PACRG: variants seen among roughly 807,000 people sequenced by gnomAD.
The protein encoded by PACRG is parkin coregulated.
Under a neutral mutation model 29.7 loss-of-function variants are expected in PACRG, and 29 were observed. That is an observed-to-expected ratio of 0.98 (90% CI 0.73 to 1.33). The LOEUF (loss-of-function observed/expected upper bound fraction) is 1.33, where lower values mean the gene tolerates loss of function less well. Ranked by LOEUF, PACRG falls within the 40% of genes most tolerant of loss-of-function variation. PACRG has a pLI of 0.00. For missense variants in PACRG, 279 were observed against 316.2 expected, an observed-to-expected ratio of 0.88 and a Z score of 0.89; for synonymous variants, 116 against 118.7, an observed-to-expected ratio of 0.98 and a Z score of 0.15.
At chr6:162,734,441 T>C (rs759128542) in intron 1 of PACRG, among the ~76,000 whole-genome samples, 3 of 150,024 alleles carry the variant, frequency 2.0e-5, no homozygotes, top group Non-Finnish European at 4.5e-5. Context: ...CTTTATATAC[T>C]TAAATTAAAT....
chr6:163,240,545 C>G (rs988354643), intron 4 of PACRG, among the ~76,000 whole-genome samples: 2 of 152,112 alleles, frequency 1.3e-5, no homozygotes, highest in African/African-American at 4.8e-5. Context: ...ACTCCCACCT[C>G]CTTGGTCCCC....
intron 2 of PACRG, among the ~76,000 whole-genome samples, chr6:162,829,708 G>A (rs955061867): frequency 6.6e-6 from 1 of 152,142 alleles, no homozygotes; most frequent in Non-Finnish European, 1.5e-5. Context: ...TTTCTCTTCA[G>A]AGATAAGGAT....
chr6:162,944,435 C>A (rs1021574221), intron 2 of PACRG, among the ~76,000 whole-genome samples: 1 of 151,922 alleles, frequency 6.6e-6, no homozygotes, highest in Non-Finnish European at 1.5e-5. Flanking sequence ...TATGACACCT[C>A]AAAAGAAATA....
chr6:163,239,323 A>G (rs1462428406), intron 4 of PACRG, among the ~76,000 whole-genome samples: 1 of 152,152 alleles, frequency 6.6e-6, no homozygotes, highest in African/African-American at 2.4e-5. Flanking sequence ...TTGGCATTCA[A>G]TACTTACTGC....
intron 2 of PACRG, among the ~76,000 whole-genome samples, chr6:163,034,495 C>T (rs1807974280): frequency 6.6e-6 from 1 of 152,006 alleles, no homozygotes; most frequent in African/African-American, 2.4e-5. Context: ...GTTGGTCAAG[C>T]ATCCGTGCCT....
intron 4 of PACRG, among the ~76,000 whole-genome samples, chr6:163,220,432 C>CCT (rs1781538570): frequency 6.6e-6 from 1 of 152,036 alleles, no homozygotes; most frequent in Admixed American, 6.6e-5. Context: ...TTGCACACGC[C>CCT]CTCTCTCTCT....
intron 1 of PACRG, among the ~76,000 whole-genome samples, chr6:162,758,379 C>G (rs1449230729): frequency 6.6e-6 from 1 of 152,084 alleles, no homozygotes; most frequent in Non-Finnish European, 1.5e-5. Flanking sequence ...AAGAACGGCT[C>G]TTTTTCTTAA....
chr6:163,278,482 C>A (rs574222627), intron 4 of PACRG, among the ~76,000 whole-genome samples: 1 of 152,250 alleles, frequency 6.6e-6, no homozygotes, highest in Non-Finnish European at 1.5e-5. Flanking sequence ...AGATTTAAGT[C>A]TTTGATCCAT....
intron 2 of PACRG, among the ~76,000 whole-genome samples, chr6:163,008,285 C>T (rs1215799821): frequency 6.6e-6 from 1 of 152,074 alleles, no homozygotes; most frequent in Non-Finnish European, 1.5e-5. Flanking sequence ...GACACTTTCT[C>T]AGCACATATT....
At chr6:163,271,509 C>G (rs1199384655) in intron 4 of PACRG, among the ~76,000 whole-genome samples, 1 of 152,088 alleles carries the variant, frequency 6.6e-6, no homozygotes, top group African/African-American at 2.4e-5. Flanking sequence ...TGTGACTTTA[C>G]TTTTATATTT....
At chr6:162,776,591 A>G (rs1783661119) in intron 1 of PACRG, among the ~76,000 whole-genome samples, 1 of 152,220 alleles carries the variant, frequency 6.6e-6, no homozygotes, top group Non-Finnish European at 1.5e-5. Flanking sequence ...CTGGGCCTCA[A>G]CATCAGAATT....
chr6:163,231,561 C>T (rs1782045410), intron 4 of PACRG, among the ~76,000 whole-genome samples: 1 of 152,148 alleles, frequency 6.6e-6, no homozygotes, highest in South Asian at 2.1e-4. Context: ...CAGGTCTTCA[C>T]AACTATGAGC....
At chr6:162,822,862 G>A (rs1253841338) in intron 2 of PACRG, among the ~76,000 whole-genome samples, 1 of 151,690 alleles carries the variant, frequency 6.6e-6, no homozygotes, top group African/African-American at 2.4e-5. Context: ...TGTTATGTTA[G>A]GTATATTATA....
intron 2 of PACRG, among the ~76,000 whole-genome samples, chr6:162,944,723 G>A (rs1364315507): frequency 6.6e-6 from 1 of 151,876 alleles, no homozygotes; most frequent in Non-Finnish European, 1.5e-5. Flanking sequence ...AGATCAAACA[G>A]AAGAAACAAT....
chr6:163,218,838 G>A (rs1379446132), intron 4 of PACRG, among the ~76,000 whole-genome samples: 2 of 152,230 alleles, frequency 1.3e-5, no homozygotes, highest in Admixed American at 6.5e-5. Context: ...CTCAACAGGG[G>A]ACAGCTTTGC....
intron 2 of PACRG, among the ~76,000 whole-genome samples, chr6:162,922,713 C>T (rs1797154379): frequency 6.6e-6 from 1 of 152,236 alleles, no homozygotes; most frequent in South Asian, 2.1e-4. Flanking sequence ...TAATGTCCTC[C>T]AGGCTCATCC....
intron 4 of PACRG, 50 bp from the exon 5 acceptor site, chr6:163,314,777 G>T: frequency 6.3e-7 from 1 of 1,590,162 alleles, no homozygotes; most frequent in South Asian, 1.1e-5. Flanking sequence ...AGGACTTTTC[G>T]GGAAATTGCA....
rs1008087488 is a variant in PACRG, at chr6:163,229,643, T to A, written c.614-85184T>A. 3.9e-5 allele frequency among the ~76,000 whole-genome samples: 6 copies of A among 152,218 alleles called. No homozygotes were observed. The East Asian group carries it at 5.8e-4, about 15-fold the overall frequency. On this transcript the variant is annotated intron_variant, in intron 4 of 4. Transcript: ENST00000366888. ...CAGTTAGTTAGTCTCGTGACTTTTTTAAGTAGTAATTCCACACCTGTCAAA... is the reference window on the plus strand; with the variant it reads ...CAGTTAGTTAGTCTCGTGACTTTTTAAAGTAGTAATTCCACACCTGTCAAA...
intron 1 of PACRG, among the ~76,000 whole-genome samples, chr6:162,740,263 GA>G (rs1219794489): frequency 1.3e-5 from 2 of 151,838 alleles, no homozygotes; most frequent in Non-Finnish European, 2.9e-5. Flanking sequence ...TTTCCTTGGA[GA>G]TTTTAACTAG....
Sources: allele counts gnomAD v4.1 joint callset (sites outside exome capture counted in the v4.1 genomes callset), GRCh38; gene constraint gnomAD v4.1.1; transcripts MANE v1.5; gene names NCBI Gene and HGNC (gene_info 2026-07-23, HGNC 2026-07-21).